C5: variants seen among roughly 807,000 people sequenced by gnomAD.
C5 encodes the protein complement C5.
C5 carries 140 observed loss-of-function variants against 218.8 expected under a neutral mutation model. That is an observed-to-expected ratio of 0.64 (90% confidence interval 0.56 to 0.74). C5 has a LOEUF of 0.74. Ranked by LOEUF, C5 falls within the 30% of genes least tolerant of loss-of-function variation. C5 has a pLI of 0.00. For missense variants in C5, 1,700 were observed against 1,969.6 expected (o/e 0.86, Z 2.59); for synonymous variants, 614 against 682.3 (o/e 0.90, Z 1.56).
rs769302771 is a variant in C5, at chr9:121,043,160, G to A, written c.265C>T (p.Pro89Ser). Residue 89 changes from proline to serine, a missense_variant, in exon 3 of 41, where the codon CCA (proline) becomes TCA (serine). By Grantham distance (74) the Pro-to-Ser change is moderately conservative. Coordinates refer to ENST00000223642, the MANE Select transcript of C5 (RefSeq NM_001735.3). ...TTTTGTCCTCCAGGCAATTGTTTTG[G>A]TTGTATCTGGAAAAGAAATTGTTGA... Reference protein sequence around the residue: ...FQNSAILTIQPKQLPGGQNPV... With the variant: ...FQNSAILTIQSKQLPGGQNPV... The A allele has an allele frequency of 1.2e-6, 2 of 1,611,822 alleles. No individual in the cohort carries two copies. Among genetic ancestry groups the A allele is most frequent in the South Asian group, 2.2e-5 (2 of 90,950 alleles).
chr9:120,962,156 T>C (rs992197762), intron 36 of C5, among the ~76,000 whole-genome samples: 3 of 152,196 alleles, frequency 2.0e-5, no homozygotes, highest in African/African-American at 7.2e-5. Context: ...AAATATTTAT[T>C]GAGTTCACAT....
chr9:120,956,463 G>A (rs2046785528), intron 39 of C5, among the ~76,000 whole-genome samples: 1 of 152,040 alleles, frequency 6.6e-6, no homozygotes, highest in Non-Finnish European at 1.5e-5. Context: ...TCATGGATAG[G>A]AAGAATTAAT....
At chr9:121,041,297 C>CTTTTTTTTTTTTTTTTT (rs386416117) in intron 3 of C5, among the ~76,000 whole-genome samples, 3 of 72,678 alleles carry the variant, frequency 4.1e-5, no homozygotes, top group African/African-American at 5.5e-5. Context: ...TACATGAAGC[C>CTTTTTTTTTTTTTTTTT]TTTTTTTTTT....
intron 36 of C5, 134 bp downstream of exon 36, chr9:120,962,537 A>G (rs2046834839): frequency 1.3e-6 from 1 of 769,170 alleles, no homozygotes; most frequent in African/African-American, 1.7e-5. Flanking sequence ...TGAATGTTCA[A>G]ATTGGGACTT....
In C5 at chr9:120,957,188, T is replaced by C. The variant is rs532954747; in HGVS notation, c.4762+97A>G. 31 of 853,708 alleles carry C rather than the reference T, an allele frequency of 3.6e-5. No homozygotes were observed. The East Asian group carries it at 4.5e-4, about 12-fold the overall frequency. 52.9% of individuals were successfully genotyped at this position (853,708 alleles called of 1,614,324 possible). On this transcript the variant is annotated intron_variant, in intron 39 of 40. Transcript: ENST00000223642. ...TTAAAAAGGCAAGAGCTCTGTCTTA[T>C]TTGAGTTGTATCTTCTGTGTTTAAT...
chr9:120,978,616 T>C (rs2046969599), intron 28 of C5, among the ~76,000 whole-genome samples: 1 of 152,230 alleles, frequency 6.6e-6, no homozygotes, highest in Non-Finnish European at 1.5e-5. Context: ...ATTTTGTAGA[T>C]GGTCATAAAC....
chr9:121,030,607 T>A, intron 6 of C5, 120 bp from the exon 7 acceptor site: 1 of 615,484 alleles, frequency 1.6e-6, no homozygotes. Context: ...CAACATCCAC[T>A]TTATTATCAT....
chr9:121,030,045 C>A (rs2047460683), intron 7 of C5, among the ~76,000 whole-genome samples: 1 of 152,156 alleles, frequency 6.6e-6, no homozygotes, highest in African/African-American at 2.4e-5. Context: ...AGTAGTTACG[C>A]AGCATTAGCT....
At chr9:121,016,217 A>C (rs2047305548) in intron 15 of C5, 37 bp downstream of exon 15, 1 of 1,612,910 alleles carries the variant, frequency 6.2e-7, no homozygotes, top group Non-Finnish European at 8.5e-7. Flanking sequence ...CAAATGATCA[A>C]TGGGATTTTC....
At chr9:121,043,800 G>A (rs867899807) in intron 2 of C5, among the ~76,000 whole-genome samples, 6 of 147,334 alleles carry the variant, frequency 4.1e-5, no homozygotes, top group Admixed American at 1.4e-4. Flanking sequence ...CACCTGCCTC[G>A]GCTTCCCAAA....
Position 120,989,647 on chromosome 9 carries a change from C to T in C5, c.3075G>A (p.Leu1025=). 6.2e-7 allele frequency: 1 copy of T among 1,613,030 alleles called. No homozygotes were observed. Among genetic ancestry groups the T allele is most frequent in the Non-Finnish European group, 8.5e-7 (1 of 1,179,708 alleles). Residue 1025 remains leucine (L), a synonymous_variant, in exon 24 of 41, where the codon CTG becomes CTA. Transcript: ENST00000223642. The stretch of plus-strand genomic sequence containing the variant: ...AAATGTTCCAATGATTTCCTGTTTC[C>T]AGGTAGTGAAAAACATAGAATACTG... ...VVPVFYVFHY[L]ETGNHWNIFH... is the part of the protein sequence containing the mutation.
intron 19 of C5, 60 bp downstream of exon 19, chr9:121,006,844 G>A: frequency 1.7e-6 from 2 of 1,153,940 alleles, no homozygotes; most frequent in Non-Finnish European, 2.6e-6. Flanking sequence ...TACTAACAAA[G>A]AATTACATCT....
chr9:121,018,843 A>C (rs2047339512), intron 12 of C5, among the ~76,000 whole-genome samples: 1 of 152,076 alleles, frequency 6.6e-6, no homozygotes, highest in Admixed American at 6.5e-5. Context: ...TGTGCCAGGA[A>C]CTTTAACATG....
chr9:121,066,044 G>T, the C5 span, among the ~76,000 whole-genome samples: 2 of 152,092 alleles, frequency 1.3e-5, no homozygotes, highest in Non-Finnish European at 2.9e-5. Context: ...GTTGGGCGCG[G>T]TGTCTCACGC....
intron 17 of C5, among the ~76,000 whole-genome samples, chr9:121,011,366 T>C (rs1457012365): frequency 6.6e-6 from 1 of 152,114 alleles, no homozygotes; most frequent in East Asian, 1.9e-4. Context: ...CAAAAAAGCA[T>C]GTGAAAAGGT....
chr9:120,986,377 A>AAG (rs2047032973), intron 25 of C5, among the ~76,000 whole-genome samples: 1 of 151,756 alleles, frequency 6.6e-6, no homozygotes, highest in Admixed American at 6.6e-5. Context: ...AAAAAAAAAA[A>AAG]AAGACGAATA....
chr9:121,027,118 G>A (rs2047430604), intron 8 of C5, 42 bp downstream of exon 8: 1 of 1,009,528 alleles, frequency 9.9e-7, no homozygotes, highest in Non-Finnish European at 1.6e-6. Context: ...CTCACCTCTG[G>A]ATGCATCTGT....
intron 2 of C5, among the ~76,000 whole-genome samples, chr9:121,044,382 G>A (rs555251739): frequency 6.6e-6 from 1 of 152,182 alleles, no homozygotes; most frequent in African/African-American, 2.4e-5. Context: ...AGGCTGAGGT[G>A]GGAGAATTGC....
intron 15 of C5, 76 bp from the exon 16 acceptor site, chr9:121,015,337 A>G (rs1240466799): frequency 1.1e-6 from 1 of 943,166 alleles, no homozygotes; most frequent in East Asian, 2.5e-5. Context: ...CCATGAAACT[A>G]TTTAAGTATT....
Sources: allele counts gnomAD v4.1 joint callset (sites outside exome capture counted in the v4.1 genomes callset), GRCh38; gene constraint gnomAD v4.1.1; transcripts MANE v1.5; gene names NCBI Gene and HGNC (gene_info 2026-07-23, HGNC 2026-07-21).